EPYC: variants seen among roughly 807,000 people sequenced by gnomAD.
EPYC encodes epiphycan.
A neutral mutation model predicts 30.1 loss-of-function variants in EPYC; 28 were observed. The observed-to-expected ratio is 0.93, with a 90% CI of 0.69 to 1.28. The LOEUF (loss-of-function observed/expected upper bound fraction) is 1.28. EPYC is among the 50% of genes most tolerant of loss of function. The pLI is 0.00. For missense variants in EPYC, 382 were observed against 383.5 expected (o/e 1.00, Z 0.03); for synonymous variants, 144 against 141.4 (o/e 1.02, Z -0.13).
At chr12:90,993,051 A>T (rs1877621919) in intron 2 of EPYC, among the ~76,000 whole-genome samples, 1 of 152,152 alleles carries the variant, frequency 6.6e-6, no homozygotes, top group African/African-American at 2.4e-5. Flanking sequence ...GGCTAAACCA[A>T]GTTGGTTTCC....
chr12:90,982,319 C>T (rs1877342489), intron 2 of EPYC, among the ~76,000 whole-genome samples: 1 of 152,010 alleles, frequency 6.6e-6, no homozygotes, highest in Non-Finnish European at 1.5e-5. Flanking sequence ...TTATACAGTT[C>T]ATCTTTTAAA....
chr12:90,990,776 G>A (rs1434547157), intron 2 of EPYC, among the ~76,000 whole-genome samples: 1 of 152,024 alleles, frequency 6.6e-6, no homozygotes, highest in African/African-American at 2.4e-5. Context: ...GCTCTCATGA[G>A]TTTTTGCAGT....
At chr12:90,995,830 A>G (rs1877682187) in intron 2 of EPYC, among the ~76,000 whole-genome samples, 1 of 151,926 alleles carries the variant, frequency 6.6e-6, no homozygotes, top group Non-Finnish European at 1.5e-5. Flanking sequence ...AAAGAATCTT[A>G]TGGAAAGTCA....
At chr12:90,977,997 A>G (rs968112452) in intron 3 of EPYC, 91 bp downstream of exon 3, 23 of 1,203,618 alleles carry the variant, frequency 1.9e-5, no homozygotes, top group Non-Finnish European at 2.6e-5. Context: ...TTCTTGGGTC[A>G]TGTCATGTGG....
At chr12:91,001,109 G>A (rs1877812036) in intron 2 of EPYC, among the ~76,000 whole-genome samples, 1 of 152,018 alleles carries the variant, frequency 6.6e-6, no homozygotes, top group Admixed American at 6.6e-5. Flanking sequence ...AGGGAAAGAT[G>A]AAATGAGGGT....
At chr12:90,993,651 C>T (rs1210612792) in intron 2 of EPYC, among the ~76,000 whole-genome samples, 2 of 151,720 alleles carry the variant, frequency 1.3e-5, no homozygotes, top group Non-Finnish European at 2.9e-5. Flanking sequence ...CTTTGTCTCA[C>T]TTTCTAAGTT....
rs141571083 is a variant in EPYC at position 91,002,426 on chromosome 12, T to C, written c.140A>G (p.Glu47Gly). 6.2e-7 allele frequency: 1 copy of C among 1,612,896 alleles called. No homozygotes were observed. ...CTCAACTTTATCAACAGGTATGTTT[T>C]CATAGTTGTACAAATTATCCAGGTC... The part of the protein sequence containing the change: ...LEDLDNLYNY[E>G]NIPVDKVEIE... Residue 47 changes from glutamate to glycine, a missense_variant, in exon 2 of 7, where the codon GAA (glutamate) becomes GGA (glycine). Transcript: ENST00000261172.
chr12:90,972,777 G>T, intron 4 of EPYC, 45 bp downstream of exon 4: 1 of 1,488,292 alleles, frequency 6.7e-7, no homozygotes, highest in South Asian at 1.4e-5. Flanking sequence ...AAAATTTAAA[G>T]GAAGTGTGTA....
chr12:90,998,734 A>G (rs1358531383), intron 2 of EPYC, among the ~76,000 whole-genome samples: 1 of 152,176 alleles, frequency 6.6e-6, no homozygotes, highest in Middle Eastern at 3.2e-3. Flanking sequence ...ATGCTGCATA[A>G]CAAATTGCCA....
At position 90,966,340 on chromosome 12, in the gene EPYC, A is replaced by G. The variant is rs139619453; in HGVS notation, c.799-2014T>C. Among the ~76,000 whole-genome samples, 893 of 152,130 alleles carry G rather than the reference A, an allele frequency of 5.9e-3. 8 individuals are homozygous for G. The highest frequency in any genetic ancestry group is 0.02 in the African/African-American group (845 of 41,544). ...TTCCTAGTTTTACTTTTTTAGTAAT[A>G]TTATAATAAAATGGTGTTGGATTTT... On this transcript the variant is annotated intron_variant, in intron 6 of 6. Coordinates refer to ENST00000261172, the MANE Select transcript of EPYC (RefSeq NM_004950.5).
At chr12:90,973,706 G>A (rs1414032877) in intron 3 of EPYC, among the ~76,000 whole-genome samples, 3 of 152,130 alleles carry the variant, frequency 2.0e-5, no homozygotes, top group Non-Finnish European at 2.9e-5. Context: ...CCTTCACTTT[G>A]GAGGGACTGA....
At position 90,978,074 on chromosome 12, in the gene EPYC, T is replaced by G. The variant is rs895586746; in HGVS notation, c.340+14A>C. On this transcript the variant is annotated intron_variant, in intron 3 of 6. Coordinates refer to ENST00000261172, the MANE Select transcript of EPYC (RefSeq NM_004950.5). ...AAGTGGACTCAATTGTAATTCTGCT[T>G]TGAGGTACCTGACCTTCATTTGTGT... The G allele has an allele frequency of 3.2e-6, 5 of 1,543,386 alleles. No individual in the cohort carries two copies. The African/African-American group carries it at 4.3e-5, about 13-fold the overall frequency.
intron 2 of EPYC, among the ~76,000 whole-genome samples, chr12:90,996,318 A>G (rs954477902): frequency 6.6e-6 from 1 of 151,846 alleles, no homozygotes; most frequent in Non-Finnish European, 1.5e-5. Flanking sequence ...GATTCTCCTT[A>G]AGCAATTTCT....
Position 90,970,039 on chromosome 12 carries a change from C to T in EPYC, c.798+5G>A. The T allele has an allele frequency of 6.2e-7, 1 of 1,610,572 alleles. No individual in the cohort carries two copies. Among genetic ancestry groups the T allele is most frequent in the Non-Finnish European group, 8.5e-7 (1 of 1,176,842 alleles). On this transcript the variant is annotated splice_donor_5th_base_variant and intron_variant, in intron 6 of 6. Transcript: ENST00000261172. ...CTTGGGCGCACCTTACTGGTAGACT[C>T]CTACCTGGAGGTGAAGGGCTCGTAG...
intron 2 of EPYC, among the ~76,000 whole-genome samples, chr12:90,990,444 G>T (rs1431744521): frequency 6.6e-6 from 1 of 152,048 alleles, no homozygotes; most frequent in African/African-American, 2.4e-5. Flanking sequence ...CCTTTGAAAA[G>T]GATAATCATT....
At chr12:90,974,190 A>AATGTCATG (rs1192550518) in intron 3 of EPYC, among the ~76,000 whole-genome samples, 1 of 152,086 alleles carries the variant, frequency 6.6e-6, no homozygotes, top group Non-Finnish European at 1.5e-5. Context: ...AGGATAGGGC[A>AATGTCATG]ATGTCATGGA....
chr12:90,992,724 G>T, intron 2 of EPYC, among the ~76,000 whole-genome samples: 1 of 152,082 alleles, frequency 6.6e-6, no homozygotes, highest in East Asian at 1.9e-4. Context: ...CATTATATTA[G>T]GGAGAATTTT....
rs772990900 is a variant in EPYC, at chr12:90,972,971, G to T, written c.350C>A (p.Thr117Asn). Reference protein sequence around the residue: ...LGPHTNEDFPTCLLCTCISTT... With the variant: ...LGPHTNEDFPNCLLCTCISTT... ...ACTTATACAAGTACACAAAAGACAGGTTGGAAAGTCTAAAAGATAAAGGAA... is the reference window on the plus strand; with the variant it reads ...ACTTATACAAGTACACAAAAGACAGTTTGGAAAGTCTAAAAGATAAAGGAA... Residue 117 changes from threonine (T) to asparagine (N), a missense_variant, in exon 4 of 7, where the codon ACC (threonine) becomes AAC (asparagine). Transcript: ENST00000261172. The T allele has an allele frequency of 6.3e-7, 1 of 1,580,992 alleles. No individual in the cohort carries two copies. Among genetic ancestry groups the T allele is most frequent in the South Asian group, 1.2e-5 (1 of 85,432 alleles).
rs915441393 is a variant in EPYC, at chr12:90,963,706, T to G, written c.*450A>C. 1 of 152,294 alleles carries G rather than the reference T, an allele frequency of 6.6e-6. No individual in the cohort carries two copies. The highest frequency in any genetic ancestry group is 1.5e-5 in the Non-Finnish European group (1 of 68,074). The allele number at this position is 152,294 out of a possible 1,614,324, so 9.4% of individuals were successfully genotyped here. A position where few individuals can be genotyped will look rare whatever the true frequency, so the allele number is the denominator to read the frequency against. ...ATAATTTTCAAATACATTTATTCTTTTTTTCATGCTCTTTAATGGATTAGG... is the reference window on the plus strand; with the variant it reads ...ATAATTTTCAAATACATTTATTCTTGTTTTCATGCTCTTTAATGGATTAGG... On this transcript the variant is annotated 3_prime_UTR_variant, in exon 7 of 7. Coordinates refer to ENST00000261172, the MANE Select transcript of EPYC (RefSeq NM_004950.5).
Sources: allele counts gnomAD v4.1 joint callset (sites outside exome capture counted in the v4.1 genomes callset), GRCh38; gene constraint gnomAD v4.1.1; transcripts MANE v1.5; gene names NCBI Gene and HGNC (gene_info 2026-07-23, HGNC 2026-07-21).